The following SMAD3 variants were observed in gnomAD, a reference collection of about 807,000 sequenced individuals.
SMAD3 encodes the protein SMAD family member 3.
Under a neutral mutation model 51.8 loss-of-function variants are expected in SMAD3, and 12 were observed. That is an observed-to-expected ratio of 0.23 (90% CI 0.15 to 0.38). The LOEUF (loss-of-function observed/expected upper bound fraction) is 0.38, where lower values mean the gene tolerates loss of function less well. SMAD3 is among the 10% of genes least tolerant of loss of function. The probability of loss-of-function intolerance (pLI) is 1.00; values close to 1 mark genes in which losing one functional copy is unlikely to be tolerated. For missense variants in SMAD3, 294 were observed against 565.6 expected (o/e 0.52, Z 4.87); for synonymous variants, 238 against 227.7 (o/e 1.05, Z -0.41).
At position 67,183,026 on chromosome 15, in the gene SMAD3, TATATA is replaced by T. The variant is rs1436154454; in HGVS notation, c.871+1574_871+1578del. 4.6e-3 allele frequency among the ~76,000 whole-genome samples: 323 copies of T among 69,720 alleles called. 3 individuals carry two copies. The highest frequency in any genetic ancestry group is 7.1e-3 in the Non-Finnish European group (282 of 39,570). 45.7% of individuals were successfully genotyped at this position (69,720 alleles called of 152,430 possible). On this transcript the variant is annotated intron_variant, in intron 6 of 8. Coordinates refer to ENST00000327367, the MANE Select transcript of SMAD3 (RefSeq NM_005902.4). ...ATATATATATATATATATATATATA[TATATA>T]TTTTTTTTTTTTTTTTTTTTGGAGC...
At chr15:67,107,052 G>T (rs1486042057) in intron 1 of SMAD3, among the ~76,000 whole-genome samples, 1 of 151,678 alleles carries the variant, frequency 6.6e-6, no homozygotes, top group Non-Finnish European at 1.5e-5. Context: ...GGCTTCCCTA[G>T]CCCTGACTTC....
chr15:67,126,064 A>G (rs773207023), intron 1 of SMAD3: 3 of 661,686 alleles, frequency 4.5e-6, no homozygotes, highest in Non-Finnish European at 5.6e-6. Context: ...TGCTCGACAC[A>G]CACTCCCTGA....
rs757567277 is a variant in SMAD3 at position 67,066,128 on chromosome 15, C to T, written c.-27C>T. ...GAGCCCAGCCCCGCCGGGGGCGCTC[C>T]TCGCCGCCCGCGCGCCCTCCCCAGC... On this transcript the variant is annotated 5_prime_UTR_variant, in exon 1 of 9. Transcript: ENST00000327367. 1 of 1,552,180 alleles carries T rather than the reference C, an allele frequency of 6.4e-7. No homozygotes were observed. Among genetic ancestry groups the T allele is most frequent in the South Asian group, 1.2e-5 (1 of 84,854 alleles).
chr15:67,084,795 G>T (rs1960354164), intron 1 of SMAD3, among the ~76,000 whole-genome samples: 1 of 152,156 alleles, frequency 6.6e-6, no homozygotes, highest in African/African-American at 2.4e-5. Context: ...CTAGGCACCG[G>T]CTGCATTCCA....
At chr15:67,136,967 A>G (rs766003630) in intron 1 of SMAD3, among the ~76,000 whole-genome samples, 4 of 152,296 alleles carry the variant, frequency 2.6e-5, no homozygotes, top group South Asian at 2.1e-4. Flanking sequence ...GGTCAGCTCA[A>G]TGGGCAGGGC....
At chr15:67,156,696 C>T (rs1001894271) in intron 1 of SMAD3, among the ~76,000 whole-genome samples, 10 of 37,860 alleles carry the variant, frequency 2.6e-4, no homozygotes, top group South Asian at 5.9e-4. Flanking sequence ...TATGCTCACT[C>T]ATGCTTCTGT....
At chr15:67,167,509 T>C (rs1962624623) in intron 4 of SMAD3, among the ~76,000 whole-genome samples, 1 of 152,114 alleles carries the variant, frequency 6.6e-6, no homozygotes, top group Non-Finnish European at 1.5e-5. Flanking sequence ...CTTAGTGAGA[T>C]GTCACCAGCA....
intron 1 of SMAD3, among the ~76,000 whole-genome samples, chr15:67,100,056 C>T (rs772731392): frequency 1.3e-5 from 2 of 151,914 alleles, no homozygotes; most frequent in East Asian, 1.9e-4. Context: ...TGCCACATGC[C>T]TGTAATCCCA....
chr15:67,148,055 A>G (rs936246824), intron 1 of SMAD3, among the ~76,000 whole-genome samples: 2 of 152,180 alleles, frequency 1.3e-5, no homozygotes, highest in African/African-American at 2.4e-5. Flanking sequence ...CTGCTGCTAT[A>G]TTATGATTCA....
At chr15:67,121,431 TC>T (rs1418143270) in intron 1 of SMAD3, among the ~76,000 whole-genome samples, 1 of 151,972 alleles carries the variant, frequency 6.6e-6, no homozygotes, top group East Asian at 1.9e-4. Context: ...TCAGTTGCAC[TC>T]CGTTCTGGGT....
intron 1 of SMAD3, among the ~76,000 whole-genome samples, chr15:67,103,510 C>T (rs1566969294): frequency 6.6e-6 from 1 of 152,180 alleles, no homozygotes; most frequent in Non-Finnish European, 1.5e-5. Context: ...GTGGGTCTGG[C>T]CCAGGGCTTC....
At chr15:67,100,497 G>A (rs1246435926) in intron 1 of SMAD3, among the ~76,000 whole-genome samples, 1 of 151,920 alleles carries the variant, frequency 6.6e-6, no homozygotes, top group Non-Finnish European at 1.5e-5. Context: ...ACATTAAAAT[G>A]GCTAACATGG....
chr15:67,172,768 C>A (rs759970273), intron 5 of SMAD3, among the ~76,000 whole-genome samples: 22 of 152,204 alleles, frequency 1.4e-4, no homozygotes, highest in Non-Finnish European at 3.2e-4. Context: ...CCAGAGCGTG[C>A]ACTCCCATTG....
chr15:67,113,388 C>T (rs946782629), intron 1 of SMAD3, among the ~76,000 whole-genome samples: 1 of 151,940 alleles, frequency 6.6e-6, no homozygotes, highest in Non-Finnish European at 1.5e-5. Context: ...CTGCGCCCGG[C>T]CTTAAAATAT....
chr15:67,184,697 C>A, intron 6 of SMAD3, 30 bp from the exon 7 acceptor site: 2 of 1,613,538 alleles, frequency 1.2e-6, no homozygotes, highest in Non-Finnish European at 1.7e-6. Context: ...AGCAAAGGCA[C>A]CCTGTCCAGT....
chr15:67,128,064 C>T (rs1372679192), intron 1 of SMAD3: 1 of 152,220 alleles, frequency 6.6e-6, no homozygotes, highest in East Asian at 1.9e-4. Flanking sequence ...CCTTCCCTAT[C>T]ACTCACCCCT....
intron 1 of SMAD3, among the ~76,000 whole-genome samples, chr15:67,099,792 G>A (rs541401949): frequency 2.6e-4 from 39 of 152,296 alleles, no homozygotes; most frequent in Admixed American, 3.9e-4. Context: ...TTATTTAATT[G>A]TTGCTAATAA....
Position 67,066,126 on chromosome 15 carries a change from T to G in SMAD3, c.-29T>G, listed in dbSNP as rs2140188592. 6.5e-7 allele frequency: 1 copy of G among 1,545,392 alleles called. No individual in the cohort carries two copies. Among genetic ancestry groups the G allele is most frequent in the Non-Finnish European group, 8.7e-7 (1 of 1,143,066 alleles). On this transcript the variant is annotated 5_prime_UTR_variant, in exon 1 of 9. Coordinates refer to ENST00000327367, the MANE Select transcript of SMAD3 (RefSeq NM_005902.4). ...TCGAGCCCAGCCCCGCCGGGGGCGC[T>G]CCTCGCCGCCCGCGCGCCCTCCCCA...
intron 6 of SMAD3, among the ~76,000 whole-genome samples, chr15:67,183,015 ATATATATATATATATAT>A (rs1193995088): frequency 8.3e-5 from 6 of 72,628 alleles, no homozygotes; most frequent in South Asian, 4.9e-4. Context: ...ATATATATAT[ATATATATATATATATAT>A]TTTTTTTTTT....
Sources: gnomAD v4.1 joint callset for allele counts (sites outside exome capture counted in the v4.1 genomes callset) on GRCh38, gnomAD v4.1.1 for gene constraint, MANE v1.5 for transcripts, NCBI Gene and HGNC (gene_info 2026-07-23, HGNC 2026-07-21) for gene names.